Variants in SIK3 observed in about 807,000 individuals in gnomAD.
The protein encoded by SIK3 is serine/threonine-protein kinase SIK3.
SIK3 carries 28 observed loss-of-function variants against 144.2 expected under a neutral mutation model. That is an observed-to-expected ratio of 0.19 (90% CI 0.14 to 0.27). SIK3 has a LOEUF of 0.27. SIK3 is among the 10% of genes least tolerant of loss of function. The pLI, the probability that SIK3 is intolerant of heterozygous loss-of-function variation, is 1.00. For missense variants in SIK3, 1,319 were observed against 1,776.0 expected (o/e 0.74, Z 4.62); for synonymous variants, 686 against 676.3 (o/e 1.01, Z -0.22).
chr11:117,081,483 G>A (rs1416484915), intron 1 of SIK3, among the ~76,000 whole-genome samples: 2 of 152,184 alleles, frequency 1.3e-5, no homozygotes, highest in Non-Finnish European at 2.9e-5. Flanking sequence ...GATTAGCCGG[G>A]CGTGATGGCA....
intron 1 of SIK3, among the ~76,000 whole-genome samples, chr11:117,094,397 A>C (rs1187586460): frequency 1.3e-5 from 2 of 151,862 alleles, no homozygotes; most frequent in Non-Finnish European, 2.9e-5. Context: ...TTGAGTCCAG[A>C]AGTTCAAGAC....
At chr11:117,072,037 C>G (rs7928320) in intron 1 of SIK3, among the ~76,000 whole-genome samples, 11,060 of 151,970 alleles carry the variant, frequency 0.073, 494 homozygotes, top group African/African-American at 0.11. Context: ...ACTCAAATCA[C>G]TGATGGTTTT....
chr11:117,072,525 T>C (rs1434740781), intron 1 of SIK3, among the ~76,000 whole-genome samples: 1 of 152,224 alleles, frequency 6.6e-6, no homozygotes, highest in African/African-American at 2.4e-5. Context: ...TCTTTTAATA[T>C]CATCGGGCAA....
In SIK3 at chr11:116,847,590, G is replaced by T. The variant is rs954224485; in HGVS notation, c.3838C>A (p.Pro1280Thr). 2 of 1,614,172 alleles carry T rather than the reference G, an allele frequency of 1.2e-6. No homozygotes were observed. Among genetic ancestry groups the T allele is most frequent in the Non-Finnish European group, 1.7e-6 (2 of 1,180,042 alleles). The part of the protein sequence containing the change: ...DDAYVQLDNL[P>T]GMSLVAGKAL... ...TTCCCAGCCACGAGACTCATTCCTGGCAAGTTATCCAGCTGTACCTGCAGA... is the reference window on the plus strand; with the variant it reads ...TTCCCAGCCACGAGACTCATTCCTGTCAAGTTATCCAGCTGTACCTGCAGA... Residue 1280 changes from proline to threonine, a missense_variant, in exon 23 of 25, where the codon CCA (proline) becomes ACA (threonine). Pro to Thr is a conservative substitution (Grantham distance 38). Transcript: ENST00000445177.
At chr11:116,872,626 TAAAG>T (rs773357434) in intron 13 of SIK3, among the ~76,000 whole-genome samples, 3 of 152,154 alleles carry the variant, frequency 2.0e-5, no homozygotes, top group Non-Finnish European at 2.9e-5. Context: ...AAAAAATAAA[TAAAG>T]AGACACTTTT....
At chr11:117,023,765 C>T (rs751003075) in intron 1 of SIK3, among the ~76,000 whole-genome samples, 14 of 151,686 alleles carry the variant, frequency 9.2e-5, no homozygotes, top group Non-Finnish European at 1.6e-4. Context: ...CAACCTCCGC[C>T]TCTAGGGTTC....
At chr11:116,917,342 C>G (rs1403188720) in intron 4 of SIK3, among the ~76,000 whole-genome samples, 1 of 152,086 alleles carries the variant, frequency 6.6e-6, no homozygotes. Flanking sequence ...GTTTCTATAG[C>G]CACTAATAAA....
chr11:116,926,346 G>A (rs1352926921), intron 4 of SIK3, among the ~76,000 whole-genome samples: 1 of 152,074 alleles, frequency 6.6e-6, no homozygotes, highest in Non-Finnish European at 1.5e-5. Context: ...TATTCATTAG[G>A]CAAAATGCTG....
intron 6 of SIK3, among the ~76,000 whole-genome samples, chr11:116,886,865 T>G (rs1267451475): frequency 1.3e-5 from 2 of 152,210 alleles, no homozygotes; most frequent in Non-Finnish European, 2.9e-5. Flanking sequence ...AGGCCAGGTT[T>G]CACCTTCCAC....
At chr11:116,869,012 G>A (rs1175861184) in intron 14 of SIK3, 1 of 152,138 alleles carries the variant, frequency 6.6e-6, no homozygotes, top group Non-Finnish European at 1.5e-5. Flanking sequence ...AAGAAAGAAG[G>A]TAGACCTGGA....
intron 3 of SIK3, among the ~76,000 whole-genome samples, chr11:116,945,240 T>C (rs563695342): frequency 6.6e-6 from 1 of 152,292 alleles, no homozygotes; most frequent in African/African-American, 2.4e-5. Context: ...ATTACAGGCG[T>C]GAGCACAACA....
intron 1 of SIK3, among the ~76,000 whole-genome samples, chr11:116,995,266 CAA>C (rs1215261265): frequency 4.4e-4 from 43 of 96,640 alleles, no homozygotes; most frequent in Admixed American, 6.4e-4. Flanking sequence ...GACTCCGTCT[CAA>C]AAAAAAAAAA....
intron 1 of SIK3, among the ~76,000 whole-genome samples, chr11:117,058,246 G>A (rs1953630253): frequency 6.6e-6 from 1 of 152,118 alleles, no homozygotes; most frequent in African/African-American, 2.4e-5. Context: ...CTCTGGCCAG[G>A]TGCAGTGGCT....
At chr11:116,952,231 G>A (rs923268657) in intron 3 of SIK3, among the ~76,000 whole-genome samples, 3 of 151,882 alleles carry the variant, frequency 2.0e-5, no homozygotes, top group Non-Finnish European at 2.9e-5. Flanking sequence ...TGAGACCCCC[G>A]TCTCTACTAA....
At chr11:116,993,616 T>G (rs1950564767) in intron 1 of SIK3, among the ~76,000 whole-genome samples, 1 of 152,104 alleles carries the variant, frequency 6.6e-6, no homozygotes. Context: ...AGTGCAATCC[T>G]AAAGCAGCAA....
At chr11:116,985,918 C>T (rs761436642) in intron 1 of SIK3, among the ~76,000 whole-genome samples, 1 of 152,016 alleles carries the variant, frequency 6.6e-6, no homozygotes, top group Non-Finnish European at 1.5e-5. Context: ...ATTTCAGATG[C>T]GGGCTATTGG....
chr11:116,929,007 G>A (rs1396154182), intron 3 of SIK3, among the ~76,000 whole-genome samples: 1 of 152,142 alleles, frequency 6.6e-6, no homozygotes, highest in Admixed American at 6.5e-5. Flanking sequence ...GTCAGAGGTG[G>A]GGATAAGTAA....
intron 1 of SIK3, among the ~76,000 whole-genome samples, chr11:117,056,343 G>A (rs560162173): frequency 6.6e-6 from 1 of 152,176 alleles, no homozygotes. Context: ...CTCGGACACA[G>A]GAAGGGGAAC....
chr11:117,049,152 T>G (rs1953109348), intron 1 of SIK3, among the ~76,000 whole-genome samples: 2 of 152,206 alleles, frequency 1.3e-5, no homozygotes, highest in South Asian at 4.1e-4. Context: ...AGTTTTTTTG[T>G]CTAGCATCTA....
Sources: allele counts gnomAD v4.1 joint callset (sites outside exome capture counted in the v4.1 genomes callset), GRCh38; gene constraint gnomAD v4.1.1; transcripts MANE v1.5; gene names NCBI Gene and HGNC (gene_info 2026-07-23, HGNC 2026-07-21).